The following EPHA7 variants were observed in gnomAD, a reference collection of about 807,000 sequenced individuals.
EPHA7 encodes EPH receptor A7.
In EPHA7, 25 loss-of-function variants were observed where a neutral mutation model predicts 112.6. The ratio of observed to expected loss-of-function variants is 0.22; its 90% CI spans 0.16 to 0.31. EPHA7 has a LOEUF of 0.31. Ranked by LOEUF, EPHA7 falls within the 10% of genes least tolerant of loss-of-function variation. The probability of loss-of-function intolerance (pLI) is 1.00; values close to 1 mark genes in which losing one functional copy is unlikely to be tolerated. For synonymous variants in EPHA7, 437 were observed against 406.5 expected, an observed-to-expected ratio of 1.07 and a Z score of -0.90; for missense variants, 962 against 1,212.6, an observed-to-expected ratio of 0.79 and a Z score of 3.07.
chr6:93,375,956 G>A (rs541164876), intron 3 of EPHA7, among the ~76,000 whole-genome samples: 54 of 152,030 alleles, frequency 3.6e-4, no homozygotes, highest in Non-Finnish European at 7.4e-4. Flanking sequence ...TATCCAGTGG[G>A]TCCACAGAAC....
At chr6:93,282,252 T>A (rs1386116916) in intron 5 of EPHA7, among the ~76,000 whole-genome samples, 14 of 152,358 alleles carry the variant, frequency 9.2e-5, no homozygotes, top group African/African-American at 3.1e-4. Context: ...ATTCTGTTAA[T>A]CATACACATT....
At chr6:93,397,170 C>T (rs1241159423) in intron 3 of EPHA7, among the ~76,000 whole-genome samples, 1 of 151,360 alleles carries the variant, frequency 6.6e-6, no homozygotes, top group African/African-American at 2.4e-5. Flanking sequence ...AATACAATAC[C>T]AACACTTGTA....
chr6:93,344,182 C>A (rs552422513), intron 5 of EPHA7, among the ~76,000 whole-genome samples: 1 of 151,514 alleles, frequency 6.6e-6, no homozygotes, highest in South Asian at 2.1e-4. Flanking sequence ...TATAAACAGT[C>A]CTTTGATGTT....
intron 5 of EPHA7, among the ~76,000 whole-genome samples, chr6:93,275,856 CAT>C: frequency 6.6e-6 from 1 of 152,076 alleles, no homozygotes; most frequent in Non-Finnish European, 1.5e-5. Context: ...TTCAAGCACT[CAT>C]ATGTGATCTT....
In EPHA7 at chr6:93,254,525, G is replaced by A. The variant is rs559794899; in HGVS notation, c.2532+122C>T. The A allele has an allele frequency of 2.0e-5, 13 of 656,130 alleles. No individual in the cohort carries two copies. The African/African-American group carries it at 2.0e-4, about 10-fold the overall frequency. 40.6% of individuals were successfully genotyped at this position (656,130 alleles called of 1,614,324 possible). A position where few individuals can be genotyped will look rare whatever the true frequency, so the allele number is the denominator to read the frequency against. ...TATGGTAATTAGTGTGGTAGTAATT[G>A]TGGAAAACTGTATTTTTATAATTAT... On this transcript the variant is annotated intron_variant, in intron 14 of 16. Transcript: ENST00000369303.
At chr6:93,320,561 T>C (rs1195101042) in intron 5 of EPHA7, among the ~76,000 whole-genome samples, 2 of 152,080 alleles carry the variant, frequency 1.3e-5, no homozygotes, top group African/African-American at 4.8e-5. Context: ...AGAATGTAGC[T>C]AGAAAAAACA....
At chr6:93,271,749 A>T (rs2035607) in intron 6 of EPHA7, among the ~76,000 whole-genome samples, 1 of 151,942 alleles carries the variant, frequency 6.6e-6, no homozygotes, top group Admixed American at 6.6e-5. Flanking sequence ...TAAGTCCCAT[A>T]CATGATTATT....
At chr6:93,405,801 GTGTGTGTGTGTGTATATATATATATATA>G (rs1336299455) in intron 3 of EPHA7, among the ~76,000 whole-genome samples, 9 of 64,390 alleles carry the variant, frequency 1.4e-4, no homozygotes, top group East Asian at 6.1e-4. Context: ...GTGTGTGTGT[GTGTGTGTGTGTGTATATATATATATATA>G]TATATATATA....
intron 3 of EPHA7, among the ~76,000 whole-genome samples, chr6:93,394,440 A>G (rs904707113): frequency 6.6e-5 from 10 of 151,754 alleles, no homozygotes; most frequent in Non-Finnish European, 1.5e-4. Context: ...AGGTGCTTAG[A>G]TTAACAAAAA....
chr6:93,357,810 C>T (rs1776031060), intron 4 of EPHA7, among the ~76,000 whole-genome samples: 1 of 152,036 alleles, frequency 6.6e-6, no homozygotes, highest in African/African-American at 2.4e-5. Flanking sequence ...GGCGCCACCA[C>T]TCCCAGCTAA....
At chr6:93,318,144 T>C (rs892141024) in intron 5 of EPHA7, among the ~76,000 whole-genome samples, 1 of 152,188 alleles carries the variant, frequency 6.6e-6, no homozygotes, top group Non-Finnish European at 1.5e-5. Flanking sequence ...TTCAAGGATT[T>C]CTTGAATAAA....
At chr6:93,246,681 T>A (rs1488614041) in intron 15 of EPHA7, 111 bp downstream of exon 15, 19 of 892,270 alleles carry the variant, frequency 2.1e-5, no homozygotes. Context: ...TAATATGAGT[T>A]TATACGTCAA....
intron 3 of EPHA7, among the ~76,000 whole-genome samples, chr6:93,404,731 C>G (rs538395276): frequency 1.3e-5 from 2 of 151,332 alleles, no homozygotes; most frequent in East Asian, 3.9e-4. Context: ...ATAATAGTCT[C>G]ATTCTATTAG....
rs566585372 is a variant in EPHA7 at position 93,304,251 on chromosome 6, A to G, written c.1325-31829T>C. Among the ~76,000 whole-genome samples, 221 of 151,696 alleles carry G rather than the reference A, an allele frequency of 1.5e-3. 5 individuals carry two copies. The South Asian group carries it at 0.044, about 30-fold the overall frequency. ...ACACTGAGCAAGTGTACACTTGCTC[A>G]GATTTTGAAAGACAATACAGATGAA... On this transcript the variant is annotated intron_variant, in intron 5 of 16. Transcript: ENST00000369303.
chr6:93,284,012 A>T (rs1771925778), intron 5 of EPHA7, among the ~76,000 whole-genome samples: 1 of 152,154 alleles, frequency 6.6e-6, no homozygotes, highest in Admixed American at 6.5e-5. Flanking sequence ...TACAAAACAT[A>T]ATTCATACAG....
intron 3 of EPHA7, among the ~76,000 whole-genome samples, chr6:93,370,999 A>AG (rs1168008228): frequency 6.6e-6 from 1 of 151,206 alleles, no homozygotes; most frequent in African/African-American, 2.4e-5. Context: ...CAAAAAAAAA[A>AG]AAAAGAAAAA....
chr6:93,365,797 A>C lies in EPHA7; in HGVS notation c.833-7386T>G, dbSNP rs538297911. Among the ~76,000 whole-genome samples the C allele has an allele frequency of 8.5e-5, 13 of 152,334 alleles. No individual in the cohort carries two copies. In the East Asian group the frequency reaches 2.1e-3, roughly 25 times the overall value. On this transcript the variant is annotated intron_variant, in intron 3 of 16. Transcript: ENST00000369303. ...TAAAGTTTTTCATAACAGGTACTTA[A>C]GTGCTCGATGATAACATGGGGATTT... is the stretch of plus-strand genomic sequence containing the variant.
chr6:93,415,431 T>A (rs1779175640), intron 1 of EPHA7, among the ~76,000 whole-genome samples: 1 of 152,012 alleles, frequency 6.6e-6, no homozygotes, highest in South Asian at 2.1e-4. Context: ...CAAAATGGTA[T>A]CAACTCTGAC....
intron 2 of EPHA7, 54 bp from the exon 3 acceptor site, chr6:93,411,224 T>C: frequency 2.7e-6 from 4 of 1,470,424 alleles, no homozygotes; most frequent in African/African-American, 2.8e-5. Flanking sequence ...AACATTTTGC[T>C]TTTGAAAGTG....
Sources: allele counts gnomAD v4.1 joint callset (sites outside exome capture counted in the v4.1 genomes callset), GRCh38; gene constraint gnomAD v4.1.1; transcripts MANE v1.5; gene names NCBI Gene and HGNC (gene_info 2026-07-23, HGNC 2026-07-21).